Variants in MSR1 observed in about 807,000 individuals in gnomAD.
The protein encoded by MSR1 is macrophage scavenger receptor 1.
In MSR1, 53 loss-of-function variants were observed where a neutral mutation model predicts 47.2. That is an observed-to-expected ratio of 1.12 (90% CI 0.90 to 1.41). The LOEUF (loss-of-function observed/expected upper bound fraction) is 1.41, where lower values mean the gene tolerates loss of function less well. Ranked by LOEUF, MSR1 falls within the 40% of genes most tolerant of loss-of-function variation. MSR1 has a pLI of 0.00. For synonymous variants in MSR1, 239 were observed against 185.6 expected (o/e 1.29, Z -2.34); for missense variants, 786 against 546.9 (o/e 1.44, Z -4.36).
intron 1 of MSR1, among the ~76,000 whole-genome samples, chr8:16,182,529 T>G (rs557537652): frequency 2.6e-5 from 4 of 152,168 alleles, no homozygotes; most frequent in Admixed American, 2.6e-4. Flanking sequence ...AATTTCTTTC[T>G]AAACAGCTTT....
chr8:16,158,430 C>G lies in MSR1; in HGVS notation c.818-3286G>C, dbSNP rs77635430. On this transcript the variant is annotated intron_variant, in intron 5 of 9. Coordinates refer to ENST00000262101, the MANE Select transcript of MSR1 (RefSeq NM_138715.3). ...ACACAATTTACTAGAAAAACAAACC[C>G]AGGTGTATCATATCATTTAAAATCC... Among the ~76,000 whole-genome samples the G allele has an allele frequency of 3.9e-3, 598 of 151,948 alleles. 23 individuals are homozygous for G. The East Asian group carries it at 0.097, about 25-fold the overall frequency.
chr8:16,110,431 G>C (rs1799731669), intron 9 of MSR1, among the ~76,000 whole-genome samples: 1 of 152,092 alleles, frequency 6.6e-6, no homozygotes, highest in Non-Finnish European at 1.5e-5. Context: ...AAAATGCAAA[G>C]TAAGAAGAGC....
intron 8 of MSR1, among the ~76,000 whole-genome samples, chr8:16,122,607 G>T (rs1343651451): frequency 6.6e-6 from 1 of 152,038 alleles, no homozygotes; most frequent in Non-Finnish European, 1.5e-5. Context: ...ATATGCAGCA[G>T]AACAAGCTCC....
chr8:16,175,346 T>C, intron 2 of MSR1, 46 bp from the exon 3 acceptor site: 1 of 1,433,018 alleles, frequency 7.0e-7, no homozygotes. Flanking sequence ...AGTGTTGTCT[T>C]CTTCCATAAT....
chr8:16,126,272 T>A (rs973465320), intron 8 of MSR1, among the ~76,000 whole-genome samples: 1 of 152,184 alleles, frequency 6.6e-6, no homozygotes, highest in South Asian at 2.1e-4. Flanking sequence ...TCTTTGCATG[T>A]GTCAATTACC....
chr8:16,135,318 A>G lies in MSR1; in HGVS notation c.1033+8240T>C, dbSNP rs907080643. 1.3e-5 allele frequency among the ~76,000 whole-genome samples: 2 copies of G among 152,120 alleles called. 1 individual carries two copies. Among genetic ancestry groups the G allele is most frequent in the African/African-American group, 4.8e-5 (2 of 41,436 alleles). On this transcript the variant is annotated intron_variant, in intron 8 of 9. Coordinates refer to ENST00000262101, the MANE Select transcript of MSR1 (RefSeq NM_138715.3). ...AGGAAATGCTCATTTGCTATTCTGA[A>G]AATTCTAGGGCCCTTATGAGTTATG...
chr8:16,113,457 T>G (rs1799808811), intron 9 of MSR1, among the ~76,000 whole-genome samples: 1 of 152,178 alleles, frequency 6.6e-6, no homozygotes, highest in Non-Finnish European at 1.5e-5. Flanking sequence ...AGTGCCTGAA[T>G]GTGTATTTTC....
rs577065501 is a variant in MSR1, at chr8:16,108,174, C to T, written c.*1911G>A. 6.8e-6 allele frequency: 1 copy of T among 147,100 alleles called. No homozygotes were observed. The highest frequency in any genetic ancestry group is 2.2e-4 in the South Asian group (1 of 4,562). 9.1% of individuals were successfully genotyped at this position (147,100 alleles called of 1,614,324 possible). Reference sequence around the variant, plus strand: ...TAGTACTATTAACAGTGTCATAGTACTAGTACTAGTAATAGTACTAGTAAT... The same window carrying T: ...TAGTACTATTAACAGTGTCATAGTATTAGTACTAGTAATAGTACTAGTAAT... On this transcript the variant is annotated 3_prime_UTR_variant, in exon 10 of 10. Transcript: ENST00000262101.
Position 16,150,233 on chromosome 8 carries a change from G to C in MSR1, c.977C>G (p.Pro326Arg). The C allele has an allele frequency of 6.6e-7, 1 of 1,520,664 alleles. No homozygotes were observed. The highest frequency in any genetic ancestry group is 1.3e-5 in the South Asian group (1 of 78,972). 94.2% of individuals were successfully genotyped at this position (1,520,664 alleles called of 1,614,324 possible). A position where few individuals can be genotyped will look rare whatever the true frequency, so the allele number is the denominator to read the frequency against. Residue 326 changes from proline to arginine, a missense_variant and splice_region_variant, in exon 7 of 10, where the codon CCA becomes CGA. Pro to Arg is a moderately radical substitution (Grantham distance 103). Coordinates refer to ENST00000262101, the MANE Select transcript of MSR1 (RefSeq NM_138715.3). ...GAAAATACACATTATTGTAATACCT[G>C]GCCTTCCGGCATATCCTGGGAGTCC... The part of the protein sequence containing the change: ...SRGLPGYAGR[P>R]GNSGPKGQKG...
chr8:16,175,054 G>T, intron 3 of MSR1, 133 bp downstream of exon 3: 2 of 721,306 alleles, frequency 2.8e-6, no homozygotes, highest in Middle Eastern at 2.4e-4. Context: ...TAACAAATTT[G>T]AAGGACACTT....
intron 9 of MSR1, 93 bp downstream of exon 9, chr8:16,120,325 C>A: frequency 7.4e-7 from 1 of 1,353,214 alleles, no homozygotes; most frequent in South Asian, 1.2e-5. Context: ...TGCAGTGAGC[C>A]GAGATCGCGC....
intron 8 of MSR1, among the ~76,000 whole-genome samples, chr8:16,135,896 G>T (rs7017815): frequency 0.13 from 19,386 of 152,030 alleles, 1,352 homozygotes; most frequent in African/African-American, 0.19. Context: ...AAGAGAAGTG[G>T]AGAACTAGAA....
chr8:16,121,069 C>G, intron 8 of MSR1: 2 of 378,500 alleles, frequency 5.3e-6, no homozygotes, highest in Non-Finnish European at 1.0e-5. Flanking sequence ...ATCATAAACA[C>G]AAAAATAGGT....
At chr8:16,178,694 G>C (rs900165793) in intron 1 of MSR1, among the ~76,000 whole-genome samples, 2 of 152,088 alleles carry the variant, frequency 1.3e-5, no homozygotes, top group African/African-American at 4.8e-5. Flanking sequence ...ACTTCCACAA[G>C]GGTTGAACTA....
intron 4 of MSR1, among the ~76,000 whole-genome samples, chr8:16,166,756 T>A (rs1054836843): frequency 6.6e-6 from 1 of 152,136 alleles, no homozygotes; most frequent in Non-Finnish European, 1.5e-5. Flanking sequence ...ATTTTTGGTG[T>A]GTCCTTGATA....
Position 16,177,940 on chromosome 8 carries a change from A to G in MSR1, c.49T>C (p.Cys17Arg). 1 of 1,613,984 alleles carries G rather than the reference A, an allele frequency of 6.2e-7. No homozygotes were observed. Among genetic ancestry groups the G allele is most frequent in the Non-Finnish European group, 8.5e-7 (1 of 1,179,922 alleles). ...GCATCAAATTTCACAGATTCGGAGC[A>G]GCTATCAGTGTCCTCCTGTTGATTG... The part of the protein sequence containing the change: ...FHNQQEDTDS[C>R]SESVKFDARS... Residue 17 changes from cysteine to arginine, a missense_variant, in exon 2 of 10, where the codon TGC (cysteine) becomes CGC (arginine). Transcript: ENST00000262101.
Position 16,119,060 on chromosome 8 carries a change from G to A in MSR1, c.1222+1358C>T, listed in dbSNP as rs572535931. Among the ~76,000 whole-genome samples the A allele has an allele frequency of 2.0e-3, 303 of 152,030 alleles. 2 individuals carry two copies. Among genetic ancestry groups the A allele is most frequent in the Non-Finnish European group, 1.4e-3 (97 of 67,954 alleles). On this transcript the variant is annotated intron_variant, in intron 9 of 9. Coordinates refer to ENST00000262101, the MANE Select transcript of MSR1 (RefSeq NM_138715.3). Reference sequence around the variant, plus strand: ...TTGTTTCTTCTATGTAAACCTTTAGGGTGCAAGTTAAAAACTACGGCCAGG... The same window carrying A: ...TTGTTTCTTCTATGTAAACCTTTAGAGTGCAAGTTAAAAACTACGGCCAGG...
intron 8 of MSR1, chr8:16,140,613 T>C (rs1427029040): frequency 1.6e-5 from 18 of 1,096,858 alleles, no homozygotes; most frequent in Non-Finnish European, 2.0e-5. Context: ...CTCTTCCAAG[T>C]TAGGGTGAGA....
chr8:16,173,314 C>T (rs1012305972), intron 3 of MSR1, among the ~76,000 whole-genome samples: 4 of 152,196 alleles, frequency 2.6e-5, no homozygotes, highest in East Asian at 1.9e-4. Context: ...TCAGAAGCTG[C>T]GGTCCCTGGT....
Sources: allele counts gnomAD v4.1 joint callset (sites outside exome capture counted in the v4.1 genomes callset), GRCh38; gene constraint gnomAD v4.1.1; transcripts MANE v1.5; gene names NCBI Gene and HGNC (gene_info 2026-07-23, HGNC 2026-07-21).